KCNJ6: variants seen among roughly 807,000 people sequenced by gnomAD.
KCNJ6 encodes the protein potassium inwardly rectifying channel subfamily J member 6, also known as G protein-activated inward rectifier potassium channel 2.
KCNJ6 carries 9 observed loss-of-function variants against 34.2 expected under a neutral mutation model. That is an observed-to-expected ratio of 0.26 (90% CI 0.16 to 0.46). The LOEUF (loss-of-function observed/expected upper bound fraction) is 0.46, where lower values mean the gene tolerates loss of function less well. Ranked by LOEUF, KCNJ6 falls within the 20% of genes least tolerant of loss-of-function variation. The probability of loss-of-function intolerance (pLI) is 1.00; values close to 1 mark genes in which losing one functional copy is unlikely to be tolerated. For synonymous variants in KCNJ6, 196 were observed against 207.1 expected (o/e 0.95, Z 0.46); for missense variants, 236 against 531.3 (o/e 0.44, Z 5.46).
chr21:37,830,591 C>T (rs904825323), intron 2 of KCNJ6, among the ~76,000 whole-genome samples: 2 of 152,128 alleles, frequency 1.3e-5, no homozygotes, highest in African/African-American at 2.4e-5. Flanking sequence ...CTGGTGGCCA[C>T]GCTGAGAAAG....
rs983073939 is a variant in KCNJ6 at position 37,614,894 on chromosome 21, G to C, written c.*10265C>G. 3 of 152,078 alleles carry C rather than the reference G, an allele frequency of 2.0e-5. No individual in the cohort carries two copies. The highest frequency in any genetic ancestry group is 7.3e-5 in the African/African-American group (3 of 41,376). The allele number at this position is 152,078 out of a possible 1,614,324, so 9.4% of individuals were successfully genotyped here. Reference sequence around the variant, plus strand: ...CTTATGAAGGACTGGGGACATTATTGTTGCATAGTGTAACATTCAGAGGAA... The same window carrying C: ...CTTATGAAGGACTGGGGACATTATTCTTGCATAGTGTAACATTCAGAGGAA... On this transcript the variant is annotated 3_prime_UTR_variant, in exon 4 of 4. Coordinates refer to ENST00000609713, the MANE Select transcript of KCNJ6 (RefSeq NM_002240.5).
intron 2 of KCNJ6, among the ~76,000 whole-genome samples, chr21:37,836,904 TA>T (rs754146989): frequency 1.3e-5 from 2 of 152,160 alleles, no homozygotes; most frequent in East Asian, 3.9e-4. Flanking sequence ...AAAAAAGATT[TA>T]AAAAAATTGG....
intron 3 of KCNJ6, among the ~76,000 whole-genome samples, chr21:37,643,974 T>C (rs1456752241): frequency 1.3e-5 from 2 of 152,172 alleles, no homozygotes; most frequent in African/African-American, 4.8e-5. Context: ...GAAATCAACC[T>C]AAATGCCTAT....
chr21:37,913,541 C>T (rs1479455961), intron 1 of KCNJ6, among the ~76,000 whole-genome samples: 7 of 152,186 alleles, frequency 4.6e-5, no homozygotes, highest in African/African-American at 1.7e-4. Flanking sequence ...TTGGCTGGGC[C>T]GGATACGGTG....
At chr21:37,712,014 C>T (rs746332016) in intron 3 of KCNJ6, among the ~76,000 whole-genome samples, 1 of 152,166 alleles carries the variant, frequency 6.6e-6, no homozygotes, top group Non-Finnish European at 1.5e-5. Context: ...AAGGCTCACT[C>T]ATTACCAGCT....
intron 2 of KCNJ6, among the ~76,000 whole-genome samples, chr21:37,754,594 G>A (rs1446172828): frequency 6.6e-6 from 1 of 152,200 alleles, no homozygotes; most frequent in African/African-American, 2.4e-5. Context: ...TGGACTGAAT[G>A]CCATCATGAG....
intron 2 of KCNJ6, among the ~76,000 whole-genome samples, chr21:37,824,928 T>C (rs2055391649): frequency 6.6e-6 from 1 of 151,818 alleles, no homozygotes; most frequent in Admixed American, 6.5e-5. Context: ...TTCTTCCAGA[T>C]CCTGGTGGCT....
At chr21:37,796,047 A>G (rs558942153) in intron 2 of KCNJ6, among the ~76,000 whole-genome samples, 1 of 152,274 alleles carries the variant, frequency 6.6e-6, no homozygotes, top group South Asian at 2.1e-4. Flanking sequence ...CCTGAGGGGA[A>G]GGGCAGCCAT....
intron 3 of KCNJ6, among the ~76,000 whole-genome samples, chr21:37,710,417 C>T (rs778328230): frequency 6.6e-6 from 1 of 152,172 alleles, no homozygotes. Context: ...TTGATAATCA[C>T]TGGAGCAGAA....
intron 3 of KCNJ6, among the ~76,000 whole-genome samples, chr21:37,713,450 T>C (rs1394782270): frequency 6.6e-6 from 1 of 152,190 alleles, no homozygotes; most frequent in African/African-American, 2.4e-5. Flanking sequence ...CATACAAACA[T>C]GGGCAGAACC....
chr21:37,828,912 T>C (rs747199500), intron 2 of KCNJ6, among the ~76,000 whole-genome samples: 5 of 152,220 alleles, frequency 3.3e-5, no homozygotes, highest in Non-Finnish European at 5.9e-5. Flanking sequence ...CATCTGGGCA[T>C]CTCTTCCAAA....
At chr21:37,720,588 G>C (rs1192552435) in intron 2 of KCNJ6, among the ~76,000 whole-genome samples, 2 of 152,164 alleles carry the variant, frequency 1.3e-5, no homozygotes, top group Non-Finnish European at 2.9e-5. Flanking sequence ...TCTTTCTCTT[G>C]GGTTTAACCA....
chr21:37,861,341 C>G (rs568871540), intron 1 of KCNJ6, among the ~76,000 whole-genome samples: 1 of 152,140 alleles, frequency 6.6e-6, no homozygotes, highest in African/African-American at 2.4e-5. Flanking sequence ...GCGTCTTCTC[C>G]CTGTGTCCTT....
At chr21:37,763,522 C>G (rs1004471161) in intron 2 of KCNJ6, among the ~76,000 whole-genome samples, 1 of 152,200 alleles carries the variant, frequency 6.6e-6, no homozygotes, top group African/African-American at 2.4e-5. Flanking sequence ...GGGCCTGCTC[C>G]TGAGACTTTC....
At chr21:37,674,035 C>T (rs2054553484) in intron 3 of KCNJ6, among the ~76,000 whole-genome samples, 1 of 152,196 alleles carries the variant, frequency 6.6e-6, no homozygotes, top group African/African-American at 2.4e-5. Context: ...TCTAACTGCC[C>T]TCTAGCCAGT....
At chr21:37,828,688 C>T (rs2055410574) in intron 2 of KCNJ6, among the ~76,000 whole-genome samples, 1 of 152,238 alleles carries the variant, frequency 6.6e-6, no homozygotes. Context: ...TAGCTGCGCT[C>T]TGCGGAGTTT....
intron 3 of KCNJ6, among the ~76,000 whole-genome samples, chr21:37,644,309 A>G (rs2054393940): frequency 6.6e-6 from 1 of 152,218 alleles, no homozygotes; most frequent in Non-Finnish European, 1.5e-5. Context: ...AATAAGCTGT[A>G]TAAAAAATCC....
At chr21:37,747,237 C>G (rs2123480408) in intron 2 of KCNJ6, among the ~76,000 whole-genome samples, 1 of 149,240 alleles carries the variant, frequency 6.7e-6, no homozygotes, top group Non-Finnish European at 1.5e-5. Flanking sequence ...TTTTCTTTGC[C>G]CCCTTTGGAG....
intron 1 of KCNJ6, among the ~76,000 whole-genome samples, chr21:37,863,972 A>G (rs1159216105): frequency 6.6e-6 from 1 of 151,272 alleles, no homozygotes; most frequent in Non-Finnish European, 1.5e-5. Flanking sequence ...GACCATATGA[A>G]AATATCAGCT....
Sources: allele counts gnomAD v4.1 joint callset (sites outside exome capture counted in the v4.1 genomes callset), GRCh38; gene constraint gnomAD v4.1.1; transcripts MANE v1.5; gene names NCBI Gene and HGNC (gene_info 2026-07-23, HGNC 2026-07-21).